ZBTB48: variants seen among roughly 807,000 people sequenced by gnomAD.
ZBTB48 encodes zinc finger and BTB domain containing 48.
ZBTB48 carries 35 observed loss-of-function variants against 64.5 expected under a neutral mutation model. The ratio of observed to expected loss-of-function variants is 0.54; its 90% confidence interval spans 0.41 to 0.72. The LOEUF (loss-of-function observed/expected upper bound fraction) is 0.72, where lower values mean the gene tolerates loss of function less well. ZBTB48 is among the 30% of genes least tolerant of loss of function. ZBTB48 has a pLI of 0.00. For synonymous variants in ZBTB48, 442 were observed against 356.7 expected (o/e 1.24, Z -2.70); for missense variants, 828 against 895.3 (o/e 0.92, Z 0.96).
In ZBTB48 at chr1:6,584,314, G is replaced by T. The variant is rs1640582010; in HGVS notation, c.933-1605G>T. Among the ~76,000 whole-genome samples, 2 of 152,244 alleles carry T rather than the reference G, an allele frequency of 1.3e-5. No homozygotes were observed. Among genetic ancestry groups the T allele is most frequent in the African/African-American group, 4.8e-5 (2 of 41,464 alleles). On this transcript the variant is annotated intron_variant, in intron 3 of 10. Transcript: ENST00000377674. This position sits in a 1 kb window ranked among gnomAD's most constrained non-coding sequence, Gnocchi z 4.5. Reference sequence around the variant, plus strand: ...GTGGTGAGGAACCACGTGTCTCCTGGTGGCTGAATCGGGCAGTGCTGACAT... The same window carrying T: ...GTGGTGAGGAACCACGTGTCTCCTGTTGGCTGAATCGGGCAGTGCTGACAT...
rs778551042 is a variant in ZBTB48, at chr1:6,588,346, C to T, written c.1585C>T (p.Arg529Cys). The change falls in exon 9 of 11, where the codon CGC becomes TGC. Residue 529 changes from arginine to cysteine, a missense_variant. Physicochemically the swap from Arg to Cys is radical, Grantham distance 180. Coordinates refer to ENST00000377674, the MANE Select transcript of ZBTB48 (RefSeq NM_005341.4). ...CTTCAGTTGCGAGTTCTGTGAACAGCGCTTCACTGAGAAGGGGCCCCTCCT... is the reference window on the plus strand; with the variant it reads ...CTTCAGTTGCGAGTTCTGTGAACAGTGCTTCACTGAGAAGGGGCCCCTCCT... The part of the protein sequence containing the change: ...RPFSCEFCEQ[R>C]FTEKGPLLRH... 17 of 1,606,456 alleles carry T rather than the reference C, an allele frequency of 1.1e-5. 1 individual carries two copies. Among genetic ancestry groups the T allele is most frequent in the South Asian group, 7.7e-5 (7 of 90,904 alleles).
chr1:6,580,767 G>C lies in ZBTB48; in HGVS notation c.158G>C (p.Ser53Thr), dbSNP rs746613841. The C allele has an allele frequency of 6.2e-7, 1 of 1,614,246 alleles. No homozygotes were observed. Among genetic ancestry groups the C allele is most frequent in the South Asian group, 1.1e-5 (1 of 91,086 alleles). Reference protein sequence around the residue: ...VLACCSHFFQSLYGDGSGGSV... With the variant: ...VLACCSHFFQTLYGDGSGGSV... ...GCCTGCTGCAGTCACTTTTTCCAGA[G>C]CCTCTACGGGGATGGCTCAGGGGGC... The change falls in exon 2 of 11, where the codon AGC becomes ACC. Residue 53 changes from serine to threonine, a missense_variant. By Grantham distance (58) the Ser-to-Thr change is moderately conservative. Transcript: ENST00000377674. The surrounding 1 kb of genome is among the most constrained non-coding windows in gnomAD (Gnocchi z 5.2).
In ZBTB48 at chr1:6,582,144, T is replaced by C. The variant is rs200127319; in HGVS notation, c.777T>C (p.Asn259=). ...PEAVLTRRKS[N]VIRKPCAAEP... is the part of the protein sequence containing the mutation. Reference sequence around the variant, plus strand: ...CTGTGCTGACCAGGAGGAAGTCAAATGTAATCCGAAAGCCCTGTGCAGCTG... The same window carrying C: ...CTGTGCTGACCAGGAGGAAGTCAAACGTAATCCGAAAGCCCTGTGCAGCTG... The change falls in exon 3 of 11, where the codon AAT becomes AAC. Residue 259 remains asparagine (N), a synonymous_variant. Coordinates refer to ENST00000377674, the MANE Select transcript of ZBTB48 (RefSeq NM_005341.4). 2 of 1,614,132 alleles carry C rather than the reference T, an allele frequency of 1.2e-6. No homozygotes were observed. Among genetic ancestry groups the C allele is most frequent in the East Asian group, 2.2e-5 (1 of 44,884 alleles).
At position 6,584,405 on chromosome 1, in the gene ZBTB48, G is replaced by A. The variant is rs1640584968; in HGVS notation, c.933-1514G>A. On this transcript the variant is annotated intron_variant, in intron 3 of 10. Transcript: ENST00000377674. The surrounding 1 kb of genome is among the most constrained non-coding windows in gnomAD (Gnocchi z 4.5). ...CTGCTTTGGAGTCCCTGCAAGGCCT[G>A]TGGGGATGGCGGCCCAGTGGCATGC... Among the ~76,000 whole-genome samples, 1 of 152,202 alleles carries A rather than the reference G, an allele frequency of 6.6e-6. No homozygotes were observed. The highest frequency in any genetic ancestry group is 2.1e-4 in the South Asian group (1 of 4,830).
chr1:6,583,946 A>AT (rs758129885), intron 3 of ZBTB48, among the ~76,000 whole-genome samples: 67 of 151,594 alleles, frequency 4.4e-4, no homozygotes, highest in African/African-American at 8.7e-4. Flanking sequence ...CACCTGGCTA[A>AT]TTTTTTTGTG....
At position 6,589,152 on chromosome 1, in the gene ZBTB48, A is replaced by G. The variant is rs1377635853; in HGVS notation, c.2007A>G (p.Pro669=). The G allele has an allele frequency of 1.3e-6, 2 of 1,575,706 alleles. No homozygotes were observed. Among genetic ancestry groups the G allele is most frequent in the Non-Finnish European group, 1.7e-6 (2 of 1,164,280 alleles). Residue 669 remains proline, a synonymous_variant, in exon 11 of 11, where the codon CCA becomes CCG. Coordinates refer to ENST00000377674, the MANE Select transcript of ZBTB48 (RefSeq NM_005341.4). ...RLCAEESFTG[P]GVLEPSLIIT... ...GTGCAGAGGAGAGCTTCACCGGCCCAGGTGTCCTGGAGCCCTCCCTCATCA... is the reference window on the plus strand; with the variant it reads ...GTGCAGAGGAGAGCTTCACCGGCCCGGGTGTCCTGGAGCCCTCCCTCATCA...
In ZBTB48 at chr1:6,587,229, A is replaced by C. The variant is rs754043246; in HGVS notation, c.1162A>C (p.Met388Leu). ...GTGTTCCTCCTGCTCCCAGCAGTTC[A>C]TGCAGAAGAAGGACTTGCAGAGCCA... ...YKCSSCSQQF[M>L]QKKDLQSHMI... The change falls in exon 6 of 11, where the codon ATG (methionine) becomes CTG (leucine). Residue 388 changes from methionine (M) to leucine (L), a missense_variant. Transcript: ENST00000377674. 1.2e-6 allele frequency: 2 copies of C among 1,614,018 alleles called. No homozygotes were observed. Among genetic ancestry groups the C allele is most frequent in the East Asian group, 2.2e-5 (1 of 44,874 alleles).
chr1:6,588,659 G>A, intron 9 of ZBTB48, 97 bp from the exon 10 acceptor site: 1 of 1,551,112 alleles, frequency 6.4e-7, no homozygotes. Context: ...GTAAACCACT[G>A]GTCCCCTCCC....
chr1:6,585,010 A>G (rs1185857804), intron 3 of ZBTB48, among the ~76,000 whole-genome samples: 1 of 152,190 alleles, frequency 6.6e-6, no homozygotes, highest in East Asian at 1.9e-4. Flanking sequence ...CAGATAACAG[A>G]TAAGTCCATC....
At position 6,588,142 on chromosome 1, in the gene ZBTB48, A is replaced by C; in HGVS notation, c.1462A>C (p.Thr488Pro). 2 of 1,614,126 alleles carry C rather than the reference A, an allele frequency of 1.2e-6. No individual in the cohort carries two copies. The highest frequency in any genetic ancestry group is 1.7e-6 in the Non-Finnish European group (2 of 1,180,028). Residue 488 changes from threonine to proline, a missense_variant, in exon 8 of 11, where the codon ACG (threonine) becomes CCG (proline). Transcript: ENST00000377674. ...TCTCAACATGCACCTGCGCACACAC[A>C]CGGGTGAGAAGCCCTTCCAGTGCCA... ...ANLNMHLRTHTGEKPFQCHLC... is the reference protein window; with the variant it reads ...ANLNMHLRTHPGEKPFQCHLC...
Position 6,580,675 on chromosome 1 carries a change from G to C in ZBTB48, c.66G>C (p.Lys22Asn). The C allele has an allele frequency of 6.2e-7, 1 of 1,614,170 alleles. No homozygotes were observed. Among genetic ancestry groups the C allele is most frequent in the Middle Eastern group, 1.7e-4 (1 of 6,058 alleles). The change falls in exon 2 of 11, where the codon AAG (lysine) becomes AAC (asparagine). Residue 22 changes from lysine to asparagine, a missense_variant. Transcript: ENST00000377674. This position sits in a 1 kb window ranked among gnomAD's most constrained non-coding sequence, Gnocchi z 5.2. The part of the protein sequence containing the change: ...VLQELNKQRE[K>N]GQYCDATLDV... The stretch of plus-strand genomic sequence containing the variant: ...AGGAGCTCAACAAGCAGCGGGAGAA[G>C]GGCCAGTACTGCGACGCCACTCTGG...
intron 3 of ZBTB48, 92 bp downstream of exon 3, chr1:6,582,391 G>A: frequency 6.6e-7 from 1 of 1,511,296 alleles, no homozygotes; most frequent in Non-Finnish European, 9.0e-7. Context: ...GTGAGGTAGG[G>A]GCTGGGGGAT....
intron 4 of ZBTB48, 85 bp downstream of exon 4, chr1:6,586,115 C>T: frequency 1.5e-6 from 2 of 1,368,654 alleles, no homozygotes; most frequent in Non-Finnish European, 1.0e-6. Flanking sequence ...CCCCAGGAGA[C>T]TGTCTGAGAG....
chr1:6,586,389 C>G (rs1228570940), intron 4 of ZBTB48: 3 of 504,700 alleles, frequency 5.9e-6, no homozygotes, highest in Non-Finnish European at 1.0e-5. Context: ...TGTCAGGGCC[C>G]GCCGAAACCC....
At position 6,587,605 on chromosome 1, in the gene ZBTB48, T is replaced by C. The variant is rs1318932705; in HGVS notation, c.1352T>C (p.Leu451Pro). 6.2e-7 allele frequency: 1 copy of C among 1,613,552 alleles called. No homozygotes were observed. The highest frequency in any genetic ancestry group is 2.2e-5 in the East Asian group (1 of 44,878). ...CACCGGGCCTCGAGCCGGAATGGCC[T>C]GCAGATGCACATCAAGGCCAAGCAC... Reference protein sequence around the residue: ...CGHRASSRNGLQMHIKAKHRN... With the variant: ...CGHRASSRNGPQMHIKAKHRN... The change falls in exon 7 of 11, where the codon CTG (leucine) becomes CCG (proline). Residue 451 changes from leucine to proline, a missense_variant. Leu to Pro is a moderately conservative substitution (Grantham distance 98). Coordinates refer to ENST00000377674, the MANE Select transcript of ZBTB48 (RefSeq NM_005341.4).
rs536577787 is a variant in ZBTB48, at chr1:6,584,568, C to T, written c.933-1351C>T. ...AAACCCGTTCGCTGTCCCTGTGCACCGTGTTCAGGGCAGCTGCTGCCAGTG... is the reference window on the plus strand; with the variant it reads ...AAACCCGTTCGCTGTCCCTGTGCACTGTGTTCAGGGCAGCTGCTGCCAGTG... On this transcript the variant is annotated intron_variant, in intron 3 of 10. Coordinates refer to ENST00000377674, the MANE Select transcript of ZBTB48 (RefSeq NM_005341.4). This position sits in a 1 kb window ranked among gnomAD's most constrained non-coding sequence, Gnocchi z 4.5. 3.3e-5 allele frequency among the ~76,000 whole-genome samples: 5 copies of T among 152,348 alleles called. No homozygotes were observed. Among genetic ancestry groups the T allele is most frequent in the East Asian group, 3.9e-4 (2 of 5,186 alleles).
intron 7 of ZBTB48, among the ~76,000 whole-genome samples, 196 bp from the exon 8 acceptor site, chr1:6,587,864 C>T (rs925182368): frequency 1.3e-5 from 2 of 152,162 alleles, no homozygotes; most frequent in Admixed American, 6.5e-5. Flanking sequence ...TCTGTGCCCC[C>T]GGGGCAGATT....
rs1462279405 is a variant in ZBTB48 at position 6,586,016 on chromosome 1, A to C, written c.1030A>C (p.Asn344His). 6.2e-7 allele frequency: 1 copy of C among 1,614,010 alleles called. No individual in the cohort carries two copies. The highest frequency in any genetic ancestry group is 8.5e-7 in the Non-Finnish European group (1 of 1,179,984). ...GGAGCATGAAGCCCGGAATTGCATG[A>C]ACCGCTCGGAACAGGTACTTGGGAG... ...LLEHEARNCM[N>H]RSEQVFTCSV... The change falls in exon 4 of 11, where the codon AAC becomes CAC. Residue 344 changes from asparagine to histidine, a missense_variant. Transcript: ENST00000377674.
chr1:6,589,079 C>A lies in ZBTB48; in HGVS notation c.1934C>A (p.Ser645Tyr). The A allele has an allele frequency of 1.9e-6, 3 of 1,608,118 alleles. No individual in the cohort carries two copies. Among genetic ancestry groups the A allele is most frequent in the Non-Finnish European group, 2.5e-6 (3 of 1,177,862 alleles). The change falls in exon 11 of 11, where the codon TCC (serine) becomes TAC (tyrosine). Residue 645 changes from serine (S) to tyrosine (Y), a missense_variant. By Grantham distance (144) the Ser-to-Tyr change is moderately radical (BLOSUM62 -2). Coordinates refer to ENST00000377674, the MANE Select transcript of ZBTB48 (RefSeq NM_005341.4). ...GGCTCGGCGGAGGTCATTGTGGAGT[C>A]CCTGGCCCAGGGCGGCCTGGCCTCC... ...EVGSAEVIVE[S>Y]LAQGGLASQL...
Sources: gnomAD v4.1 joint callset for allele counts (sites outside exome capture counted in the v4.1 genomes callset) on GRCh38, gnomAD v4.1.1 for gene constraint, Gnocchi (gnomAD v3.1) non-coding constraint, MANE v1.5 for transcripts, NCBI Gene and HGNC (gene_info 2026-07-23, HGNC 2026-07-21) for gene names.